The following HMGCL variants were observed in gnomAD, a reference collection of about 807,000 sequenced individuals.
HMGCL encodes 3-hydroxy-3-methylglutaryl-CoA lyase.
A neutral mutation model predicts 37.3 loss-of-function variants in HMGCL; 26 were observed. That is an observed-to-expected ratio of 0.70 (90% confidence interval 0.51 to 0.97). The LOEUF is 0.97. HMGCL is among the 50% of genes least tolerant of loss of function. HMGCL has a pLI of 0.00. For synonymous variants in HMGCL, 151 were observed against 148.0 expected, an observed-to-expected ratio of 1.02 and a Z score of -0.15; for missense variants, 379 against 398.1, an observed-to-expected ratio of 0.95 and a Z score of 0.41.
chr1:23,813,942 A>G, intron 5 of HMGCL: 1 of 519,364 alleles, frequency 1.9e-6, no homozygotes, highest in Non-Finnish European at 3.5e-6. Context: ...TCAGTCTCCC[A>G]AGTTGCTAGG....
Position 23,814,317 on chromosome 1 carries a change from C to T in HMGCL, c.370G>A (p.Val124Ile). ...TCTGAGGCAGCTCCAAAGATGACTA[C>T]TTCCTTGGCTCCAGCAGCAACCTGC... The part of the protein sequence containing the change: ...EAAVAAGAKE[V>I]VIFGAASELF... Residue 124 changes from valine (V) to isoleucine (I), a missense_variant, in exon 5 of 9, where the codon GTA becomes ATA. By Grantham distance (29) the Val-to-Ile change is conservative. Transcript: ENST00000374490. The T allele has an allele frequency of 6.2e-7, 1 of 1,613,904 alleles. No individual in the cohort carries two copies. The highest frequency in any genetic ancestry group is 8.5e-7 in the Non-Finnish European group (1 of 1,180,034).
At chr1:23,804,944 G>GGCCACAT (rs1317755643) in intron 7 of HMGCL, among the ~76,000 whole-genome samples, 1 of 141,746 alleles carries the variant, frequency 7.1e-6, no homozygotes, top group Non-Finnish European at 1.5e-5. Context: ...GCCACACGAG[G>GGCCACAT]GCCACATCCC....
Position 23,814,197 on chromosome 1 carries a change from C to G in HMGCL, c.490G>C (p.Val164Leu), listed in dbSNP as rs753747844. The change falls in exon 5 of 9, where the codon GTG becomes CTG. Residue 164 changes from valine (V) to leucine (L), a missense_variant. Physicochemically the swap from Val to Leu is conservative, Grantham distance 32. Coordinates refer to ENST00000374490, the MANE Select transcript of HMGCL (RefSeq NM_000191.3). ...CAATGTGCTCTGACTCACCCCCGCA[C>G]AGAAATATTGGCTGACTGCGCTGCC... ...LKAAQSANIS[V>L]RGYVSCALGC... The G allele has an allele frequency of 1.2e-6, 2 of 1,613,736 alleles. No individual in the cohort carries two copies. The highest frequency in any genetic ancestry group is 1.7e-6 in the Non-Finnish European group (2 of 1,180,024).
chr1:23,817,861 GCC>G (rs1479668975), intron 2 of HMGCL, among the ~76,000 whole-genome samples: 4 of 152,142 alleles, frequency 2.6e-5, no homozygotes, highest in Non-Finnish European at 4.4e-5. Flanking sequence ...ATGGGATGGG[GCC>G]CCCAAAGTAT....
Position 23,804,417 on chromosome 1 carries a change from C to G in HMGCL, c.859G>C (p.Gly287Arg). ...ATEDLVYMLE[G>R]LGIHTGVNLQ... ...GGGCTTACCGTGTGAATGCCCAAGC[C>G]CTCTAGCATGTAGACCAGGTCTTCT... Residue 287 changes from glycine to arginine, a missense_variant, in exon 8 of 9, where the codon GGC (glycine) becomes CGC (arginine). Transcript: ENST00000374490. 1.9e-6 allele frequency: 3 copies of G among 1,614,220 alleles called. No homozygotes were observed. Among genetic ancestry groups the G allele is most frequent in the Non-Finnish European group, 2.5e-6 (3 of 1,180,048 alleles).
chr1:23,805,394 C>T (rs1251299853), intron 7 of HMGCL, among the ~76,000 whole-genome samples: 2 of 152,214 alleles, frequency 1.3e-5, no homozygotes, highest in Non-Finnish European at 2.9e-5. Flanking sequence ...AAAGCAAAGT[C>T]CCTCAAAAGA....
chr1:23,807,972 C>G (rs719399), intron 7 of HMGCL, among the ~76,000 whole-genome samples, 163 bp downstream of exon 7: 1 of 152,102 alleles, frequency 6.6e-6, no homozygotes, highest in Non-Finnish European at 1.5e-5. Flanking sequence ...CAACACAGAG[C>G]TGTACACTTC....
chr1:23,805,223 C>T (rs1247268171), intron 7 of HMGCL, among the ~76,000 whole-genome samples: 1 of 152,080 alleles, frequency 6.6e-6, no homozygotes, highest in Admixed American at 6.6e-5. Flanking sequence ...GGCGTGAGGC[C>T]CATTCCCACC....
chr1:23,804,880 C>A (rs528476520), intron 7 of HMGCL, among the ~76,000 whole-genome samples: 1 of 124,636 alleles, frequency 8.0e-6, no homozygotes, highest in Non-Finnish European at 1.7e-5. Context: ...TTTATTACCC[C>A]CCCCCCACTT....
rs1023359185 is a variant in HMGCL, at chr1:23,825,230, C to G, written c.60+126G>C. ...AGGGAGGGTCCAGGACTCCAACGCC[C>G]TCCCGACTCTGGCCTGAGAGCTGTC... On this transcript the variant is annotated intron_variant, in intron 1 of 8. Transcript: ENST00000374490. The G allele has an allele frequency of 5.1e-6, 4 of 780,710 alleles. No homozygotes were observed. In the Admixed American group the frequency reaches 6.2e-5, roughly 12 times the overall value. 48.4% of individuals were successfully genotyped at this position (780,710 alleles called of 1,614,324 possible). A position where few individuals can be genotyped will look rare whatever the true frequency, so the allele number is the denominator to read the frequency against.
In HMGCL at chr1:23,802,504, T is replaced by G; in HGVS notation, c.937A>C (p.Lys313Gln). The G allele has an allele frequency of 6.2e-7, 1 of 1,614,148 alleles. No individual in the cohort carries two copies. Among genetic ancestry groups the G allele is most frequent in the Non-Finnish European group, 8.5e-7 (1 of 1,179,946 alleles). Residue 313 changes from lysine to glutamine, a missense_variant, in exon 9 of 9, where the codon AAA (lysine) becomes CAA (glutamine). Lys to Gln is a moderately conservative substitution (Grantham distance 53, BLOSUM62 1). Transcript: ENST00000374490. The stretch of plus-strand genomic sequence containing the variant: ...GCCTGAGCCACTTTGGAGCTAGTTT[T>G]TCTGTTCAGGGCTTGACAGATAAAG... ...GNFICQALNRKTSSKVAQATC... is the reference protein window; with the variant it reads ...GNFICQALNRQTSSKVAQATC...
rs765992817 is a variant in HMGCL, at chr1:23,804,486, C to T, written c.790G>A (p.Gly264Arg). The T allele has an allele frequency of 6.2e-7, 1 of 1,614,052 alleles. No homozygotes were observed. Among genetic ancestry groups the T allele is most frequent in the South Asian group, 1.1e-5 (1 of 91,076 alleles). The part of the protein sequence containing the change: ...SVVDSSVAGL[G>R]GCPYAQGASG... ...GCCCCCTGTGCGTAGGGACAGCCTC[C>T]AAGTCCTGCCACAGAAGAGTCCACG... The change falls in exon 8 of 9, where the codon GGA (glycine) becomes AGA (arginine). Residue 264 changes from glycine (G) to arginine (R), a missense_variant. By Grantham distance (125) the Gly-to-Arg change is moderately radical. Transcript: ENST00000374490.
intron 2 of HMGCL, among the ~76,000 whole-genome samples, chr1:23,817,868 A>G (rs1029059514): frequency 2.6e-5 from 4 of 152,166 alleles, no homozygotes; most frequent in Admixed American, 6.6e-5. Context: ...GGGGCCCCCA[A>G]AGTATCACAC....
chr1:23,815,185 C>T (rs12116617), intron 4 of HMGCL, among the ~76,000 whole-genome samples: 7 of 151,684 alleles, frequency 4.6e-5, no homozygotes, highest in Admixed American at 1.3e-4. Flanking sequence ...CCAGCCTGGG[C>T]GACAGAGCAA....
chr1:23,813,716 G>T (rs1178225809), intron 5 of HMGCL: 3 of 210,010 alleles, frequency 1.4e-5, no homozygotes, highest in Non-Finnish European at 2.9e-5. Flanking sequence ...CACACACAAT[G>T]CCTGGAACCA....
chr1:23,821,472 A>G (rs879400987), intron 1 of HMGCL, among the ~76,000 whole-genome samples: 1 of 152,090 alleles, frequency 6.6e-6, no homozygotes, highest in African/African-American at 2.4e-5. Context: ...CCTGGCCAAC[A>G]TGATGAAGAA....
intron 6 of HMGCL, chr1:23,809,980 G>C (rs1168984859): frequency 1.3e-5 from 2 of 153,572 alleles, no homozygotes; most frequent in African/African-American, 4.8e-5. Flanking sequence ...ACTAGCTGTG[G>C]GCCTTGGCAA....
chr1:23,816,948 G>C (rs909915714), intron 3 of HMGCL, among the ~76,000 whole-genome samples, 178 bp from the exon 4 acceptor site: 1 of 152,190 alleles, frequency 6.6e-6, no homozygotes, highest in Non-Finnish European at 1.5e-5. Flanking sequence ...TGGCTCAGAA[G>C]GGCCCTTGGT....
intron 2 of HMGCL, among the ~76,000 whole-genome samples, chr1:23,817,900 A>G (rs1166197933): frequency 1.3e-5 from 2 of 152,128 alleles, no homozygotes; most frequent in African/African-American, 2.4e-5. Context: ...CTGTCTCCCA[A>G]TTGGCATAGG....
Sources: allele counts gnomAD v4.1 joint callset (sites outside exome capture counted in the v4.1 genomes callset), GRCh38; gene constraint gnomAD v4.1.1; transcripts MANE v1.5; gene names NCBI Gene and HGNC (gene_info 2026-07-23, HGNC 2026-07-21).